Variants in ARMH4 observed in about 807,000 individuals in gnomAD.
ARMH4 encodes armadillo-like helical domain-containing protein 4.
A neutral mutation model predicts 61.9 loss-of-function variants in ARMH4; 49 were observed. That is an observed-to-expected ratio of 0.79 (90% CI 0.63 to 1.00). The LOEUF (loss-of-function observed/expected upper bound fraction) is 1.00. Ranked by LOEUF, ARMH4 falls within the 50% of genes least tolerant of loss-of-function variation. The probability of loss-of-function intolerance (pLI) is 0.00; values close to 1 mark genes in which losing one functional copy is unlikely to be tolerated. For missense variants in ARMH4, 934 were observed against 930.0 expected (o/e 1.00, Z -0.06); for synonymous variants, 368 against 341.5 (o/e 1.08, Z -0.85).
rs535245339 is a variant in ARMH4, at chr14:58,090,533, G to A, written c.2089+6191C>T. 1.6e-4 allele frequency among the ~76,000 whole-genome samples: 24 copies of A among 152,104 alleles called. No homozygotes were observed. In the South Asian group the frequency reaches 4.8e-3, roughly 30 times the overall value. The stretch of plus-strand genomic sequence containing the variant: ...TGTGACCTAATCTCAGCCAAGCAGG[G>A]GCATGATATAGTCTACTGGGGGATT... On this transcript the variant is annotated intron_variant, in intron 5 of 7. Coordinates refer to ENST00000267485, the MANE Select transcript of ARMH4 (RefSeq NM_001001872.4).
chr14:58,029,235 C>CTT, intron 5 of ARMH4, among the ~76,000 whole-genome samples: 1 of 145,172 alleles, frequency 6.9e-6, no homozygotes. Flanking sequence ...CTTAGCATAA[C>CTT]TTTTTTTTTT....
chr14:58,054,881 A>AAAAT (rs1555338490), intron 5 of ARMH4, among the ~76,000 whole-genome samples: 1 of 114,814 alleles, frequency 8.7e-6, no homozygotes, highest in Non-Finnish European at 1.7e-5. Flanking sequence ...AAAAAAAAAA[A>AAAAT]AAAATAATAA....
chr14:58,147,928 T>C (rs1478703460), intron 1 of ARMH4, among the ~76,000 whole-genome samples: 1 of 152,178 alleles, frequency 6.6e-6, no homozygotes, highest in African/African-American at 2.4e-5. Context: ...AAATATGCAA[T>C]TGCCAAAATC....
chr14:58,030,732 G>T (rs1211499032), intron 5 of ARMH4, among the ~76,000 whole-genome samples: 1 of 152,112 alleles, frequency 6.6e-6, no homozygotes, highest in African/African-American at 2.4e-5. Flanking sequence ...TTTGGGGATG[G>T]GCTTGTTTCA....
At chr14:58,133,389 T>TAA (rs201967710) in intron 2 of ARMH4, 48 bp from the exon 3 acceptor site, 17 of 1,321,312 alleles carry the variant, frequency 1.3e-5, no homozygotes, top group East Asian at 1.1e-4. Flanking sequence ...CCTATTTTTT[T>TAA]AAAAAAAAAA....
At chr14:58,110,954 A>T (rs1886335888) in intron 4 of ARMH4, among the ~76,000 whole-genome samples, 1 of 151,842 alleles carries the variant, frequency 6.6e-6, no homozygotes, top group South Asian at 2.1e-4. Context: ...GGGTTTTACC[A>T]TATTGGCCAG....
chr14:58,005,320 T>A, intron 6 of ARMH4, 138 bp from the exon 7 acceptor site: 1 of 1,061,084 alleles, frequency 9.4e-7, no homozygotes, highest in Non-Finnish European at 1.3e-6. Flanking sequence ...AAACTAAGCC[T>A]AAAATACAGT....
intron 5 of ARMH4, among the ~76,000 whole-genome samples, chr14:58,041,652 A>C (rs954657451): frequency 6.6e-6 from 1 of 152,328 alleles, no homozygotes; most frequent in South Asian, 2.1e-4. Context: ...AGACTGGCAA[A>C]TTGGATAAAG....
intron 5 of ARMH4, among the ~76,000 whole-genome samples, chr14:58,068,731 G>A (rs546163012): frequency 3.9e-5 from 6 of 152,250 alleles, no homozygotes; most frequent in African/African-American, 1.2e-4. Context: ...TCTAGGCCAC[G>A]CGCGGTGGCT....
At chr14:58,124,694 G>A (rs1324348913) in intron 4 of ARMH4, among the ~76,000 whole-genome samples, 2 of 152,130 alleles carry the variant, frequency 1.3e-5, no homozygotes, top group South Asian at 2.1e-4. Context: ...TCAAACCTAC[G>A]CTGCTCGAGG....
chr14:58,069,107 TG>T (rs1196580076), intron 5 of ARMH4, among the ~76,000 whole-genome samples: 1 of 152,120 alleles, frequency 6.6e-6, no homozygotes, highest in African/African-American at 2.4e-5. Flanking sequence ...ATGATCTACC[TG>T]AAGATATCAA....
At chr14:58,035,110 A>G (rs1010182404) in intron 5 of ARMH4, among the ~76,000 whole-genome samples, 2,261 of 148,546 alleles carry the variant, frequency 0.015, 61 homozygotes, top group African/African-American at 0.054. Flanking sequence ...CATTTTTTTC[A>G]GCACCACACC....
At chr14:58,053,536 G>A (rs1884219650) in intron 5 of ARMH4, among the ~76,000 whole-genome samples, 1 of 152,122 alleles carries the variant, frequency 6.6e-6, no homozygotes, top group African/African-American at 2.4e-5. Context: ...ATATATCTCG[G>A]TTCATAAACA....
At chr14:58,089,512 C>T (rs1242262474) in intron 5 of ARMH4, among the ~76,000 whole-genome samples, 2 of 152,184 alleles carry the variant, frequency 1.3e-5, no homozygotes, top group Admixed American at 1.3e-4. Flanking sequence ...TTATACCCTC[C>T]TACCAATTCA....
intron 5 of ARMH4, among the ~76,000 whole-genome samples, chr14:58,081,425 G>C (rs1885221530): frequency 6.6e-6 from 1 of 152,032 alleles, no homozygotes; most frequent in Non-Finnish European, 1.5e-5. Context: ...GTGCAGAGAA[G>C]TTGAATATAA....
At chr14:58,066,582 C>T (rs1884710292) in intron 5 of ARMH4, among the ~76,000 whole-genome samples, 1 of 151,878 alleles carries the variant, frequency 6.6e-6, no homozygotes, top group South Asian at 2.1e-4. Flanking sequence ...TAAATTTTAC[C>T]TCAATAAAAA....
At chr14:58,114,258 C>T (rs1364658745) in intron 4 of ARMH4, among the ~76,000 whole-genome samples, 1 of 152,112 alleles carries the variant, frequency 6.6e-6, no homozygotes, top group Admixed American at 6.5e-5. Context: ...TCCCCTTACA[C>T]AGGCTTAATG....
chr14:58,054,215 C>T lies in ARMH4; in HGVS notation c.2090-42065G>A, dbSNP rs74057616. 7.6e-3 allele frequency among the ~76,000 whole-genome samples: 1,151 copies of T among 152,228 alleles called. 16 individuals are homozygous for T. Among genetic ancestry groups the T allele is most frequent in the African/African-American group, 0.027 (1,110 of 41,524 alleles). On this transcript the variant is annotated intron_variant, in intron 5 of 7. Transcript: ENST00000267485. Reference sequence around the variant, plus strand: ...ATGGCAAGGACAGTCTGTGACTCTGCCTGTGAAGTGGGGAATGGAGCTAAG... The same window carrying T: ...ATGGCAAGGACAGTCTGTGACTCTGTCTGTGAAGTGGGGAATGGAGCTAAG...
chr14:58,094,566 T>C (rs753151724), intron 5 of ARMH4, among the ~76,000 whole-genome samples: 2 of 152,184 alleles, frequency 1.3e-5, no homozygotes, highest in Admixed American at 6.5e-5. Context: ...TGGATGTGTA[T>C]GTGAGTGTGT....
Sources: allele counts gnomAD v4.1 joint callset (sites outside exome capture counted in the v4.1 genomes callset), GRCh38; gene constraint gnomAD v4.1.1; transcripts MANE v1.5; gene names NCBI Gene and HGNC (gene_info 2026-07-23, HGNC 2026-07-21).